Variants in STT3B observed in about 807,000 individuals in gnomAD.
The protein encoded by STT3B is STT3 oligosaccharyltransferase complex catalytic subunit B.
Under a neutral mutation model 96.8 loss-of-function variants are expected in STT3B, and 29 were observed. The observed-to-expected ratio is 0.30, with a 90% CI of 0.22 to 0.41. The LOEUF is 0.41. STT3B is among the 10% of genes least tolerant of loss of function. The pLI, the probability that STT3B is intolerant of heterozygous loss-of-function variation, is 1.00. For missense variants in STT3B, 640 were observed against 1,022.3 expected (o/e 0.63, Z 5.10); for synonymous variants, 367 against 360.0 (o/e 1.02, Z -0.22).
At chr3:31,552,629 C>G (rs1320330812) in intron 1 of STT3B, among the ~76,000 whole-genome samples, 1 of 152,004 alleles carries the variant, frequency 6.6e-6, no homozygotes, top group Non-Finnish European at 1.5e-5. Flanking sequence ...GTGTTCTTTC[C>G]TCTCTCAAGA....
At chr3:31,551,745 G>C (rs1697566333) in intron 1 of STT3B, among the ~76,000 whole-genome samples, 1 of 152,200 alleles carries the variant, frequency 6.6e-6, no homozygotes, top group African/African-American at 2.4e-5. Context: ...CAGAGTGATA[G>C]ACAGAGTCTA....
intron 1 of STT3B, among the ~76,000 whole-genome samples, chr3:31,563,149 T>G (rs1697922325): frequency 1.3e-5 from 2 of 152,188 alleles, no homozygotes; most frequent in African/African-American, 4.8e-5. Context: ...TCTCTTGAAT[T>G]TCATTGTTCT....
intron 1 of STT3B, among the ~76,000 whole-genome samples, chr3:31,540,663 A>G (rs1697243550): frequency 6.6e-6 from 1 of 152,162 alleles, no homozygotes; most frequent in South Asian, 2.1e-4. Context: ...CACAATAGAT[A>G]GATAATGTTG....
intron 3 of STT3B, among the ~76,000 whole-genome samples, chr3:31,590,894 G>A (rs1698650087): frequency 6.6e-6 from 1 of 151,946 alleles, no homozygotes; most frequent in Admixed American, 6.6e-5. Flanking sequence ...GCTGGATCCT[G>A]GTCAAGCATG....
intron 3 of STT3B, among the ~76,000 whole-genome samples, chr3:31,583,237 C>T (rs1209023864): frequency 6.6e-6 from 1 of 152,092 alleles, no homozygotes; most frequent in African/African-American, 2.4e-5. Context: ...TTTGCAATTG[C>T]TATACCTTCT....
intron 1 of STT3B, among the ~76,000 whole-genome samples, chr3:31,548,725 G>A (rs1263794160): frequency 6.6e-6 from 1 of 152,086 alleles, no homozygotes; most frequent in Non-Finnish European, 1.5e-5. Flanking sequence ...GAAAGGGGGT[G>A]AAGAACCTTC....
chr3:31,558,244 T>C (rs768486448), intron 1 of STT3B, among the ~76,000 whole-genome samples: 17 of 152,200 alleles, frequency 1.1e-4, no homozygotes, highest in African/African-American at 3.9e-4. Flanking sequence ...AAAGTAGATA[T>C]CCTTGTTTTC....
chr3:31,548,364 G>GA (rs1183993589), intron 1 of STT3B, among the ~76,000 whole-genome samples: 1 of 151,706 alleles, frequency 6.6e-6, no homozygotes, highest in Non-Finnish European at 1.5e-5. Flanking sequence ...AAACCGGGGA[G>GA]AAAAAAACAG....
At chr3:31,597,840 A>ATTT (rs141801688) in intron 4 of STT3B, among the ~76,000 whole-genome samples, 12 of 147,094 alleles carry the variant, frequency 8.2e-5, no homozygotes, top group East Asian at 4.0e-4. Context: ...TATTATTATT[A>ATTT]TTATTTTTTT....
intron 14 of STT3B, 152 bp downstream of exon 14, chr3:31,629,563 C>A: frequency 2.0e-6 from 1 of 497,990 alleles, no homozygotes; most frequent in Non-Finnish European, 3.5e-6. Flanking sequence ...ATTTAGATTT[C>A]TGAAACTAAT....
intron 1 of STT3B, among the ~76,000 whole-genome samples, chr3:31,543,226 C>A (rs1697324017): frequency 1.3e-5 from 2 of 152,092 alleles, no homozygotes. Context: ...GCTAACTAGG[C>A]CAGAGCCATT....
In STT3B at chr3:31,576,450, A is replaced by T. The variant is rs762906069; in HGVS notation, c.369A>T (p.Leu123Phe). ...CATCTCATGGGTTCTATGAATTTTT[A>T]AATTGGTTTGATGAAAGAGCATGGT... The part of the protein sequence containing the change: ...HLASHGFYEF[L>F]NWFDERAWYP... Residue 123 changes from leucine to phenylalanine, a missense_variant, in exon 2 of 16, where the codon TTA becomes TTT. Around this residue, in one of 8 missense-constraint regions of STT3B, gnomAD observed 267 missense variants for 388.3 expected, o/e 0.69. Transcript: ENST00000295770. The T allele has an allele frequency of 1.9e-6, 3 of 1,606,842 alleles. No individual in the cohort carries two copies. The highest frequency in any genetic ancestry group is 4.5e-5 in the East Asian group (2 of 44,446).
At chr3:31,610,591 C>G (rs1028131190) in intron 5 of STT3B, among the ~76,000 whole-genome samples, 1 of 152,100 alleles carries the variant, frequency 6.6e-6, no homozygotes, top group Non-Finnish European at 1.5e-5. Flanking sequence ...AGTGCCTTTT[C>G]TTTTCTAGAA....
At chr3:31,576,536 A>G in intron 2 of STT3B, 32 bp downstream of exon 2, 1 of 1,241,854 alleles carries the variant, frequency 8.1e-7, no homozygotes, top group Non-Finnish European at 1.1e-6. Context: ...TATGTTAATT[A>G]TAACATTTAT....
chr3:31,588,235 TCA>T (rs1384111873), intron 3 of STT3B, among the ~76,000 whole-genome samples: 1 of 152,082 alleles, frequency 6.6e-6, no homozygotes, highest in African/African-American at 2.4e-5. Flanking sequence ...AATAAGATAG[TCA>T]CTGGCCGCAT....
chr3:31,631,675 G>T (rs1287801680), intron 14 of STT3B, among the ~76,000 whole-genome samples: 1 of 152,126 alleles, frequency 6.6e-6, no homozygotes, highest in Non-Finnish European at 1.5e-5. Flanking sequence ...GGCCAGGCCT[G>T]GTGGCTCACA....
At chr3:31,578,243 G>C (rs1698301750) in intron 2 of STT3B, among the ~76,000 whole-genome samples, 1 of 152,014 alleles carries the variant, frequency 6.6e-6, no homozygotes, top group Non-Finnish European at 1.5e-5. Context: ...TCCCTGTGTT[G>C]GGTGAAACCC....
At chr3:31,619,921 G>T in intron 9 of STT3B, 91 bp downstream of exon 9, 2 of 1,513,054 alleles carry the variant, frequency 1.3e-6, no homozygotes, top group South Asian at 2.6e-5. Context: ...TTCTATGTTT[G>T]ACTCTATATA....
At chr3:31,584,725 G>A (rs1244370356) in intron 3 of STT3B, among the ~76,000 whole-genome samples, 1 of 151,970 alleles carries the variant, frequency 6.6e-6, no homozygotes, top group South Asian at 2.1e-4. Flanking sequence ...AATAAATTAG[G>A]TTTACGGTGG....
Sources: gnomAD v4.1 joint callset for allele counts (sites outside exome capture counted in the v4.1 genomes callset) on GRCh38, gnomAD v4.1.1 for gene constraint, gnomAD v4.1.1 regional missense constraint, MANE v1.5 for transcripts, NCBI Gene and HGNC (gene_info 2026-07-23, HGNC 2026-07-21) for gene names.